Variants in SPATA9 observed in about 807,000 individuals in gnomAD.
SPATA9 encodes the protein spermatogenesis associated 9.
In SPATA9, 27 loss-of-function variants were observed where a neutral mutation model predicts 25.5. The ratio of observed to expected loss-of-function variants is 1.06; its 90% CI spans 0.78 to 1.46. The LOEUF (loss-of-function observed/expected upper bound fraction) is 1.46, where lower values mean the gene tolerates loss of function less well. SPATA9 is among the 40% of genes most tolerant of loss of function. SPATA9 has a pLI of 0.00. For synonymous variants in SPATA9, 102 were observed against 105.7 expected (o/e 0.97, Z 0.21); for missense variants, 282 against 297.5 (o/e 0.95, Z 0.38).
At chr5:95,659,151 T>A in intron 4 of SPATA9, 1 of 383,812 alleles carries the variant, frequency 2.6e-6, no homozygotes, top group Non-Finnish European at 4.6e-6. Flanking sequence ...AATATATGTT[T>A]TACATCTTTT....
chr5:95,677,481 C>A (rs927628256), intron 2 of SPATA9, among the ~76,000 whole-genome samples: 8 of 152,184 alleles, frequency 5.3e-5, no homozygotes, highest in African/African-American at 1.9e-4. Context: ...CCACAAGAAA[C>A]AACTCACCAA....
At chr5:95,656,510 A>G (rs1268792196), downstream of SPATA9, 1 of 501,830 alleles carries the variant, frequency 2.0e-6, no homozygotes. Flanking sequence ...CATTTTATCG[A>G]ATCTTCTGGA....
chr5:95,709,365 C>T, the SPATA9 span, among the ~76,000 whole-genome samples: 1 of 152,222 alleles, frequency 6.6e-6, no homozygotes, highest in African/African-American at 2.4e-5. Flanking sequence ...AGGCGATGAC[C>T]CAGCCTGATA....
At chr5:95,675,360 A>C (rs542996550) in intron 3 of SPATA9, 52 bp downstream of exon 3, 1 of 1,486,442 alleles carries the variant, frequency 6.7e-7, no homozygotes, top group African/African-American at 1.4e-5. Flanking sequence ...AGTTTTGCAA[A>C]TTTAAAAGTT....
At chr5:95,664,148 AAAG>A (rs1228243534) in intron 3 of SPATA9, 100 bp from the exon 4 acceptor site, 7 of 610,816 alleles carry the variant, frequency 1.1e-5, no homozygotes, top group Admixed American at 8.0e-5. Context: ...ATTTTTTTCT[AAAG>A]AAAGTCATCT....
the SPATA9 span, chr5:95,731,013 C>A: frequency 2.5e-6 from 2 of 798,070 alleles, no homozygotes; most frequent in Non-Finnish European, 3.6e-6. Context: ...GAGCGGGGGC[C>A]CCATCGCCCC....
chr5:95,653,600 T>C (rs970182371), downstream of SPATA9, among the ~76,000 whole-genome samples: 2 of 152,198 alleles, frequency 1.3e-5, no homozygotes, highest in African/African-American at 4.8e-5. Context: ...ACCTACTTAA[T>C]ATAATCCAGT....
intron 3 of SPATA9, among the ~76,000 whole-genome samples, chr5:95,670,161 C>T (rs763776702): frequency 1.3e-5 from 2 of 152,058 alleles, no homozygotes; most frequent in South Asian, 2.1e-4. Context: ...TAGAGCTGAA[C>T]ATCCAATCAG....
the SPATA9 span, among the ~76,000 whole-genome samples, chr5:95,725,831 A>G: frequency 5.4e-5 from 8 of 147,004 alleles, no homozygotes; most frequent in Admixed American, 5.4e-4. Context: ...TTGAATGTTT[A>G]GTCAAAACAA....
the SPATA9 span, among the ~76,000 whole-genome samples, chr5:95,724,025 T>TA: frequency 6.6e-6 from 1 of 152,264 alleles, no homozygotes; most frequent in Admixed American, 6.5e-5. Flanking sequence ...TTAATGGTGA[T>TA]ACGTCATTTG....
At chr5:95,718,479 G>A in the SPATA9 span, among the ~76,000 whole-genome samples, 1 of 152,216 alleles carries the variant, frequency 6.6e-6, no homozygotes, top group African/African-American at 2.4e-5. Flanking sequence ...TTCCCCAGCT[G>A]ATGCCTCCGT....
intron 2 of SPATA9, among the ~76,000 whole-genome samples, chr5:95,680,967 C>T (rs1394120770): frequency 6.6e-6 from 1 of 152,190 alleles, no homozygotes; most frequent in Non-Finnish European, 1.5e-5. Context: ...ATCTCTCATC[C>T]CACACTGTCA....
Position 95,668,293 on chromosome 5 carries a change from T to C in SPATA9, c.379-4245A>G, listed in dbSNP as rs144622062. On this transcript the variant is annotated intron_variant, in intron 3 of 4. Coordinates refer to ENST00000274432, the MANE Select transcript of SPATA9 (RefSeq NM_031952.4). ...TGCTTCTGAATAATTAATCTTTATA[T>C]TGTTTAAGGGTCATATTTAAATATT... 1.4e-3 allele frequency among the ~76,000 whole-genome samples: 211 copies of C among 152,368 alleles called. 3 individuals carry two copies. Among genetic ancestry groups the C allele is most frequent in the Middle Eastern group, 0.01 (3 of 294 alleles).
chr5:95,688,569 A>C (rs212995), intron 1 of SPATA9, among the ~76,000 whole-genome samples: 50,456 of 152,062 alleles, frequency 0.33, 9,189 homozygotes, highest in Non-Finnish European at 0.41. Flanking sequence ...ATTTTACGCA[A>C]TGTAGATGGA....
the SPATA9 span, chr5:95,732,042 G>T: frequency 6.2e-7 from 1 of 1,614,218 alleles, no homozygotes; most frequent in South Asian, 1.1e-5. Context: ...AGGCCAGTGC[G>T]TTTGGGAATG....
At chr5:95,700,745 A>G (rs142547971), upstream of SPATA9, among the ~76,000 whole-genome samples, 5 of 152,334 alleles carry the variant, frequency 3.3e-5, no homozygotes, top group East Asian at 9.7e-4. Context: ...TACATCTTAT[A>G]TAACTATAGT....
chr5:95,728,111 A>G, the SPATA9 span, among the ~76,000 whole-genome samples: 3 of 152,228 alleles, frequency 2.0e-5, no homozygotes, highest in African/African-American at 7.2e-5. Context: ...TATATGCACA[A>G]AAGTTGAGAA....
At chr5:95,669,472 C>A (rs922587088) in intron 3 of SPATA9, among the ~76,000 whole-genome samples, 1 of 152,144 alleles carries the variant, frequency 6.6e-6, no homozygotes, top group Non-Finnish European at 1.5e-5. Context: ...GAAAAAAGAA[C>A]ACGAGTTCAC....
upstream of SPATA9, among the ~76,000 whole-genome samples, chr5:95,702,651 C>A (rs1183810096): frequency 6.6e-6 from 1 of 152,060 alleles, no homozygotes; most frequent in Non-Finnish European, 1.5e-5. Context: ...CAATGCAGGA[C>A]CACCACTAGA....
Sources: allele counts gnomAD v4.1 joint callset (sites outside exome capture counted in the v4.1 genomes callset), GRCh38; gene constraint gnomAD v4.1.1; transcripts MANE v1.5; gene names NCBI Gene and HGNC (gene_info 2026-07-23, HGNC 2026-07-21).